The following ZNF723 variants were observed in gnomAD, a reference collection of about 807,000 sequenced individuals.
ZNF723 encodes zinc finger protein 723.
In ZNF723, 5 loss-of-function variants were observed where a neutral mutation model predicts 9.4. The ratio of observed to expected loss-of-function variants is 0.53; its 90% CI spans 0.28 to 1.12. The LOEUF is 1.12. ZNF723 is among the 50% of genes most tolerant of loss of function. The pLI is 0.10. For synonymous variants in ZNF723, 158 were observed against 168.8 expected (o/e 0.94, Z 0.49); for missense variants, 450 against 501.5 (o/e 0.90, Z 0.98).
intron 1 of ZNF723, among the ~76,000 whole-genome samples, chr19:22,845,281 A>C (rs1011348957): frequency 4.6e-5 from 7 of 152,182 alleles, no homozygotes; most frequent in Non-Finnish European, 8.8e-5. Flanking sequence ...TTGGTGCAAA[A>C]GTTATTACAG....
At chr19:22,855,479 G>A (rs945072662) in intron 3 of ZNF723, among the ~76,000 whole-genome samples, 6 of 151,990 alleles carry the variant, frequency 3.9e-5, no homozygotes, top group African/African-American at 9.7e-5. Flanking sequence ...TCCATCTGCC[G>A]TGGCCTCCCA....
At chr19:22,813,527 C>T in the ZNF723 span, among the ~76,000 whole-genome samples, 13 of 152,124 alleles carry the variant, frequency 8.5e-5, no homozygotes, top group South Asian at 2.3e-3. Flanking sequence ...GTCCCAAACC[C>T]AGTTTATGTT....
chr19:22,838,012 T>G lies in ZNF723; in HGVS notation c.3+5630T>G, dbSNP rs146249185. 4.7e-3 allele frequency among the ~76,000 whole-genome samples: 723 copies of G among 152,308 alleles called. 6 individuals carry two copies. The highest frequency in any genetic ancestry group is 0.015 in the African/African-American group (642 of 41,558). On this transcript the variant is annotated intron_variant, in intron 1 of 3. Coordinates refer to ENST00000600766, the MANE Select transcript of ZNF723 (RefSeq NM_001349726.2). ...CTACACTGCACTCTTCTCCACCCAT[T>G]GAGTTCCTTTCTCTTAACTCTTATT...
chr19:22,854,006 TTC>T (rs1353327932), intron 3 of ZNF723, among the ~76,000 whole-genome samples: 2 of 149,386 alleles, frequency 1.3e-5, no homozygotes, highest in Non-Finnish European at 3.0e-5. Context: ...TCTTCAAATT[TTC>T]TCTTTCCTTA....
In ZNF723 at chr19:22,857,421, A is replaced by C. The variant is rs1008273321; in HGVS notation, c.530A>C (p.Glu177Ala). Residue 177 changes from glutamate (E) to alanine (A), a missense_variant, in exon 4 of 4, where the codon GAA becomes GCA. Glu to Ala is a moderately radical substitution (Grantham distance 107). Around this residue, in one of 5 missense-constraint regions of ZNF723, gnomAD observed 143 missense variants for 101.3 expected, o/e 1.41. Coordinates refer to ENST00000600766, the MANE Select transcript of ZNF723 (RefSeq NM_001349726.2). ...HTGNNSFKCK[E>A]CGKSFCMLSH... ...GGAAATAATTCTTTCAAATGTAAAGAATGTGGCAAATCATTTTGCATGCTT... is the reference window on the plus strand; with the variant it reads ...GGAAATAATTCTTTCAAATGTAAAGCATGTGGCAAATCATTTTGCATGCTT... 1 of 897,502 alleles carries C rather than the reference A, an allele frequency of 1.1e-6. No individual in the cohort carries two copies. Among genetic ancestry groups the C allele is most frequent in the Non-Finnish European group, 1.9e-6 (1 of 534,388 alleles). 55.6% of individuals were successfully genotyped at this position (897,502 alleles called of 1,614,324 possible). A position where few individuals can be genotyped will look rare whatever the true frequency, so the allele number is the denominator to read the frequency against.
the ZNF723 span, among the ~76,000 whole-genome samples, chr19:22,826,213 A>G: frequency 6.6e-6 from 1 of 152,188 alleles, no homozygotes; most frequent in African/African-American, 2.4e-5. Context: ...TCCTGCCCAT[A>G]GGGGAACTGT....
At chr19:22,830,207 A>G (rs1967079799), upstream of ZNF723, among the ~76,000 whole-genome samples, 1 of 152,084 alleles carries the variant, frequency 6.6e-6, no homozygotes, top group South Asian at 2.1e-4. Context: ...TCACTCTTTT[A>G]TCCTGGCTAG....
At chr19:22,845,678 T>C (rs1967298407) in intron 1 of ZNF723, among the ~76,000 whole-genome samples, 1 of 152,166 alleles carries the variant, frequency 6.6e-6, no homozygotes, top group South Asian at 2.1e-4. Context: ...GGGAAACTCA[T>C]TGTTCCTGAA....
chr19:22,815,295 A>G, the ZNF723 span, among the ~76,000 whole-genome samples: 222 of 152,194 alleles, frequency 1.5e-3, no homozygotes, highest in African/African-American at 5.3e-3. Context: ...AAGATATGTG[A>G]GTTTCCTCTT....
intron 3 of ZNF723, among the ~76,000 whole-genome samples, chr19:22,853,974 T>C (rs1967434366): frequency 6.6e-6 from 1 of 152,216 alleles, no homozygotes; most frequent in African/African-American, 2.4e-5. Context: ...ATACTTCTTT[T>C]AGAAATAAAT....
At chr19:22,841,233 G>A (rs1172935645) in intron 1 of ZNF723, among the ~76,000 whole-genome samples, 2 of 152,244 alleles carry the variant, frequency 1.3e-5, no homozygotes, top group Non-Finnish European at 2.9e-5. Flanking sequence ...CTCCTGTTAT[G>A]AAGATGTGAA....
At chr19:22,813,907 G>C in the ZNF723 span, among the ~76,000 whole-genome samples, 1 of 151,692 alleles carries the variant, frequency 6.6e-6, no homozygotes, top group Admixed American at 6.6e-5. Flanking sequence ...CAGCTCCCAG[G>C]TTCAAGCGAT....
intron 1 of ZNF723, among the ~76,000 whole-genome samples, chr19:22,836,084 G>A (rs1304844188): frequency 6.6e-6 from 1 of 152,036 alleles, no homozygotes; most frequent in Non-Finnish European, 1.5e-5. Context: ...ATTGAAGCTT[G>A]AGCCCAGGGA....
At chr19:22,853,921 T>G (rs1967433187) in intron 3 of ZNF723, among the ~76,000 whole-genome samples, 1 of 151,920 alleles carries the variant, frequency 6.6e-6, no homozygotes, top group Admixed American at 6.6e-5. Context: ...GCCATATGAG[T>G]TATTGAGAAG....
At chr19:22,855,481 G>A (rs1046461217) in intron 3 of ZNF723, among the ~76,000 whole-genome samples, 1 of 152,014 alleles carries the variant, frequency 6.6e-6, no homozygotes, top group Non-Finnish European at 1.5e-5. Context: ...CATCTGCCGT[G>A]GCCTCCCAAA....
rs1027946064 is a variant in ZNF723, at chr19:22,846,976, C to T, written c.4-1285C>T. ...GTTATGTGTGTATCAGCACATCATA[C>T]AAATTTTTCCTACTGCTGTTGATGT... On this transcript the variant is annotated intron_variant, in intron 1 of 3. Transcript: ENST00000600766. Among the ~76,000 whole-genome samples, 3 of 151,162 alleles carry T rather than the reference C, an allele frequency of 2.0e-5. No homozygotes were observed. In the East Asian group the frequency reaches 5.8e-4, roughly 29 times the overall value.
chr19:22,818,089 C>T, the ZNF723 span, among the ~76,000 whole-genome samples: 682 of 152,270 alleles, frequency 4.5e-3, 2 homozygotes, highest in African/African-American at 0.014. Flanking sequence ...CAGGGGAGAA[C>T]TCTTCTATGT....
chr19:22,843,673 C>A lies in ZNF723; in HGVS notation c.4-4588C>A, dbSNP rs796846906. Among the ~76,000 whole-genome samples the A allele has an allele frequency of 3.6e-4, 55 of 152,014 alleles. 1 individual carries two copies. Among genetic ancestry groups the A allele is most frequent in the African/African-American group, 1.2e-3 (49 of 41,460 alleles). On this transcript the variant is annotated intron_variant, in intron 1 of 3. Coordinates refer to ENST00000600766, the MANE Select transcript of ZNF723 (RefSeq NM_001349726.2). ...CAAAAAAATTTGCCTTTATTTGGGC[C>A]CCTTTCTTTATATTGTAGTGACTTC...
At chr19:22,812,446 CT>C in the ZNF723 span, among the ~76,000 whole-genome samples, 1 of 152,324 alleles carries the variant, frequency 6.6e-6, no homozygotes, top group African/African-American at 2.4e-5. Context: ...TTCAACCTAG[CT>C]CCTAGGCAGG....
Sources: allele counts gnomAD v4.1 joint callset (sites outside exome capture counted in the v4.1 genomes callset), GRCh38; gene constraint gnomAD v4.1.1; regional missense constraint gnomAD v4.1.1; transcripts MANE v1.5; gene names NCBI Gene and HGNC (gene_info 2026-07-23, HGNC 2026-07-21).